NRXN1: variants seen among roughly 807,000 people sequenced by gnomAD.
NRXN1 encodes the protein neurexin-1.
Under a neutral mutation model 150.9 loss-of-function variants are expected in NRXN1, and 39 were observed. The observed-to-expected ratio is 0.26, with a 90% CI of 0.20 to 0.34. The LOEUF (loss-of-function observed/expected upper bound fraction) is 0.34. Among genes scored for constraint, NRXN1 ranks in the 10% least tolerant of loss-of-function variants. The pLI is 1.00. For synonymous variants in NRXN1, 924 were observed against 757.0 expected (o/e 1.22, Z -3.62); for missense variants, 1,815 against 1,949.9 (o/e 0.93, Z 1.30).
chr2:50,768,658 G>A (rs951839437), intron 5 of NRXN1, among the ~76,000 whole-genome samples: 1 of 151,858 alleles, frequency 6.6e-6, no homozygotes, highest in African/African-American at 2.4e-5. Context: ...GTCATTTCTT[G>A]CTTTAAGTCT....
At chr2:50,010,647 A>G (rs951650568) in intron 21 of NRXN1, among the ~76,000 whole-genome samples, 1 of 152,088 alleles carries the variant, frequency 6.6e-6, no homozygotes, top group African/African-American at 2.4e-5. Context: ...GGTGTTCTAA[A>G]ATCCCCTCTC....
chr2:50,450,072 T>C (rs942097427), intron 17 of NRXN1, among the ~76,000 whole-genome samples: 4 of 152,180 alleles, frequency 2.6e-5, no homozygotes, highest in African/African-American at 4.8e-5. Context: ...TCTGTAAATA[T>C]AGAGTGTAGC....
intron 18 of NRXN1, among the ~76,000 whole-genome samples, chr2:50,202,765 C>A (rs2062273081): frequency 6.6e-6 from 1 of 151,996 alleles, no homozygotes; most frequent in Non-Finnish European, 1.5e-5. Context: ...TATAGTAAAA[C>A]AAAATACAAC....
intron 17 of NRXN1, among the ~76,000 whole-genome samples, chr2:50,397,823 C>T (rs2082142631): frequency 6.6e-6 from 1 of 151,924 alleles, no homozygotes; most frequent in African/African-American, 2.4e-5. Context: ...GACTCTTTTT[C>T]CTTTATAGTA....
chr2:50,207,529 T>C (rs926900426), intron 18 of NRXN1: 3 of 156,304 alleles, frequency 1.9e-5, no homozygotes, highest in Non-Finnish European at 4.4e-5. Context: ...ATTATTAATC[T>C]ACTCTTACCA....
chr2:50,649,004 C>G lies in NRXN1; in HGVS notation c.833-25389G>C, dbSNP rs563362503. ...TTCCTTGTCAGTCAATCTGAATGTC[C>G]CCTTCCTCAGATCCTAATAGCTCTG... On this transcript the variant is annotated intron_variant, in intron 5 of 22. Coordinates refer to ENST00000401669, the MANE Select transcript of NRXN1 (RefSeq NM_001330078.2). Among the ~76,000 whole-genome samples the G allele has an allele frequency of 5.3e-5, 8 of 151,872 alleles. No homozygotes were observed. The South Asian group carries it at 1.7e-3, about 32-fold the overall frequency.
intron 17 of NRXN1, among the ~76,000 whole-genome samples, chr2:50,283,260 C>A (rs147801837): frequency 6.6e-6 from 1 of 152,250 alleles, no homozygotes; most frequent in East Asian, 1.9e-4. Flanking sequence ...TGTTATTAGC[C>A]TCCAACTTTT....
intron 17 of NRXN1, among the ~76,000 whole-genome samples, chr2:50,239,163 T>G (rs1055941812): frequency 1.3e-5 from 2 of 151,926 alleles, no homozygotes; most frequent in African/African-American, 4.8e-5. Context: ...TTTTTGCAAA[T>G]GATTAAGTAT....
At chr2:51,010,223 T>C (rs969711492) in intron 2 of NRXN1, among the ~76,000 whole-genome samples, 1 of 152,024 alleles carries the variant, frequency 6.6e-6, no homozygotes, top group Non-Finnish European at 1.5e-5. Context: ...CTTGCACTTA[T>C]AAATATTTAT....
chr2:50,287,696 C>T (rs535665953), intron 17 of NRXN1, among the ~76,000 whole-genome samples: 36 of 152,256 alleles, frequency 2.4e-4, no homozygotes, highest in African/African-American at 8.2e-4. Context: ...TTATGATTCT[C>T]ATAGTCTACC....
In NRXN1 at chr2:50,122,156, T is replaced by A. The variant is rs575570060; in HGVS notation, c.3547-30662A>T. 3.3e-5 allele frequency among the ~76,000 whole-genome samples: 5 copies of A among 152,214 alleles called. No homozygotes were observed. In the East Asian group the frequency reaches 5.8e-4, roughly 18 times the overall value. Reference sequence around the variant, plus strand: ...TTTAAATATCCCTTCAAAAAAAAAATTCCATTTGTTTACCAAAATCTATTC... The same window carrying A: ...TTTAAATATCCCTTCAAAAAAAAAAATCCATTTGTTTACCAAAATCTATTC... On this transcript the variant is annotated intron_variant, in intron 18 of 22. Transcript: ENST00000401669.
intron 5 of NRXN1, among the ~76,000 whole-genome samples, chr2:50,790,140 C>CAT (rs925349014): frequency 2.6e-4 from 39 of 151,190 alleles, no homozygotes; most frequent in Non-Finnish European, 2.4e-4. Context: ...TCCCACCACA[C>CAT]ACACACACAC....
At chr2:50,415,970 A>G (rs930868941) in intron 17 of NRXN1, among the ~76,000 whole-genome samples, 6 of 151,790 alleles carry the variant, frequency 4.0e-5, no homozygotes, top group African/African-American at 1.5e-4. Flanking sequence ...AAAAAAAAAA[A>G]AAAGCTTGGA....
At chr2:50,183,414 G>A (rs537300267) in intron 18 of NRXN1, among the ~76,000 whole-genome samples, 1 of 151,828 alleles carries the variant, frequency 6.6e-6, no homozygotes, top group African/African-American at 2.4e-5. Flanking sequence ...TCTGAATGTT[G>A]GAGATTTGGG....
intron 17 of NRXN1, among the ~76,000 whole-genome samples, chr2:50,397,991 TGAATACATTATTA>T (rs1337025621): frequency 3.3e-5 from 5 of 152,166 alleles, no homozygotes. Flanking sequence ...ACAGATAATG[TGAATACATTATTA>T]GTTATTTCAC....
At chr2:50,713,350 C>T (rs1695445347) in intron 5 of NRXN1, among the ~76,000 whole-genome samples, 2 of 151,698 alleles carry the variant, frequency 1.3e-5, no homozygotes, top group Non-Finnish European at 2.9e-5. Flanking sequence ...AATGGCTAGC[C>T]CTGGATCCAT....
intron 17 of NRXN1, among the ~76,000 whole-genome samples, chr2:50,458,980 G>A (rs2087881528): frequency 6.6e-6 from 1 of 151,970 alleles, no homozygotes; most frequent in African/African-American, 2.4e-5. Context: ...AAATTTAAAT[G>A]GCATGCATAT....
intron 5 of NRXN1, among the ~76,000 whole-genome samples, chr2:50,697,931 C>T (rs1158522610): frequency 6.6e-6 from 1 of 152,202 alleles, no homozygotes; most frequent in Non-Finnish European, 1.5e-5. Context: ...TCCTGCTACT[C>T]TCACTTAAAG....
At chr2:50,238,362 G>A (rs777387538) in intron 17 of NRXN1, among the ~76,000 whole-genome samples, 1 of 151,840 alleles carries the variant, frequency 6.6e-6, no homozygotes. Flanking sequence ...AATCTACATC[G>A]TTGTTTCTCC....
Sources: gnomAD v4.1 joint callset for allele counts (sites outside exome capture counted in the v4.1 genomes callset) on GRCh38, gnomAD v4.1.1 for gene constraint, MANE v1.5 for transcripts, NCBI Gene and HGNC (gene_info 2026-07-23, HGNC 2026-07-21) for gene names.